NPL: variants seen among roughly 807,000 people sequenced by gnomAD.
The protein encoded by NPL is N-acetylneuraminate lyase.
NPL carries 32 observed loss-of-function variants against 41.1 expected under a neutral mutation model. The observed-to-expected ratio is 0.78, with a 90% CI of 0.59 to 1.05. The LOEUF (loss-of-function observed/expected upper bound fraction) is 1.05, where lower values mean the gene tolerates loss of function less well. NPL is among the 50% of genes least tolerant of loss of function. NPL has a pLI of 0.00. For synonymous variants in NPL, 128 were observed against 134.9 expected, an observed-to-expected ratio of 0.95 and a Z score of 0.35; for missense variants, 321 against 378.4, an observed-to-expected ratio of 0.85 and a Z score of 1.26.
intron 3 of NPL, 58 bp from the exon 4 acceptor site, chr1:182,803,638 ATT>A (rs1666918212): frequency 8.8e-7 from 1 of 1,137,540 alleles, no homozygotes; most frequent in Non-Finnish European, 1.3e-6. Flanking sequence ...ATACCTGAGC[ATT>A]TGTTGAATAA....
In NPL at chr1:182,816,752, G is replaced by T. The variant is rs533783493; in HGVS notation, c.403G>T (p.Ala135Ser). 6.2e-7 allele frequency: 1 copy of T among 1,612,684 alleles called. No individual in the cohort carries two copies. The highest frequency in any genetic ancestry group is 1.1e-5 in the South Asian group (1 of 91,074). Reference protein sequence around the residue: ...INFLKEVAAAAPALPFYYYHI... With the variant: ...INFLKEVAAASPALPFYYYHI... ...TTTCCTAAAGGAAGTGGCTGCTGCC[G>T]CCCCTGCCCTGCCATTTTATTACTA... Residue 135 changes from alanine (A) to serine (S), a missense_variant, in exon 8 of 13, where the codon GCC (alanine) becomes TCC (serine). Physicochemically the swap from Ala to Ser is moderately conservative, Grantham distance 99. Transcript: ENST00000367553.
intron 5 of NPL, 51 bp from the exon 6 acceptor site, chr1:182,812,105 T>C (rs747625392): frequency 2.5e-6 from 4 of 1,590,868 alleles, no homozygotes; most frequent in Non-Finnish European, 3.5e-6. Flanking sequence ...GTGCAGCCCT[T>C]CTGCATGCCT....
rs1301251202 is a variant in NPL at position 182,828,453 on chromosome 1, C to A, written c.779-271C>A. ...ACCTCTTTATTCCTGACACCTTTGG[C>A]TTCTCCTTCTTGGGTTTAAGATTAA... On this transcript the variant is annotated intron_variant, in intron 12 of 12. Coordinates refer to ENST00000367553, the MANE Select transcript of NPL (RefSeq NM_030769.3). This position sits in a 1 kb window ranked among gnomAD's most constrained non-coding sequence, Gnocchi z 4.0. Among the ~76,000 whole-genome samples the A allele has an allele frequency of 2.0e-5, 3 of 152,150 alleles. No individual in the cohort carries two copies. Among genetic ancestry groups the A allele is most frequent in the Non-Finnish European group, 4.4e-5 (3 of 68,028 alleles).
intron 4 of NPL, among the ~76,000 whole-genome samples, chr1:182,804,399 A>T (rs1666944751): frequency 6.6e-6 from 1 of 152,172 alleles, no homozygotes; most frequent in Non-Finnish European, 1.5e-5. Flanking sequence ...AAATTCTGGG[A>T]TTACAGGCGT....
intron 11 of NPL, among the ~76,000 whole-genome samples, chr1:182,824,007 G>A (rs1287928353): frequency 2.0e-5 from 3 of 152,208 alleles, no homozygotes; most frequent in Non-Finnish European, 4.4e-5. Flanking sequence ...TGCTCTTAAA[G>A]AGCTTGTAGT....
rs1216767948 is a variant in NPL at position 182,829,741 on chromosome 1, A to G, written c.*833A>G. ...AATCGAAGGCTGACTTCCTTTCTGC[A>G]GTGAGCCCAGGGGCTAATGTTATTA... On this transcript the variant is annotated 3_prime_UTR_variant, in exon 13 of 13. Transcript: ENST00000367553. 9.8e-7 allele frequency: 1 copy of G among 1,019,664 alleles called. No individual in the cohort carries two copies. Among genetic ancestry groups the G allele is most frequent in the African/African-American group, 1.6e-5 (1 of 62,384 alleles). 63.2% of individuals were successfully genotyped at this position (1,019,664 alleles called of 1,614,324 possible). A position where few individuals can be genotyped will look rare whatever the true frequency, so the allele number is the denominator to read the frequency against.
rs543447643 is a variant in NPL, at chr1:182,796,716, G to C, written c.68+2277G>C. Reference sequence around the variant, plus strand: ...AAGCTTTGCCACTAGTTAGCTCTCCGACCCTGGGGAGATCTTGTCACCTTT... The same window carrying C: ...AAGCTTTGCCACTAGTTAGCTCTCCCACCCTGGGGAGATCTTGTCACCTTT... On this transcript the variant is annotated intron_variant, in intron 3 of 12. Transcript: ENST00000367553. Among the ~76,000 whole-genome samples the C allele has an allele frequency of 7.2e-5, 11 of 152,186 alleles. No homozygotes were observed. In the East Asian group the frequency reaches 2.1e-3, roughly 30 times the overall value.
intron 3 of NPL, among the ~76,000 whole-genome samples, chr1:182,798,991 A>G (rs898133250): frequency 1.3e-5 from 2 of 152,376 alleles, no homozygotes; most frequent in African/African-American, 4.8e-5. Flanking sequence ...TCTGATATGC[A>G]TGCCACATCA....
intron 7 of NPL, among the ~76,000 whole-genome samples, chr1:182,815,878 C>T (rs1399534078): frequency 1.3e-5 from 2 of 152,332 alleles, no homozygotes; most frequent in Non-Finnish European, 2.9e-5. Context: ...ACTGGGATTA[C>T]AGGCATGAGC....
At position 182,828,140 on chromosome 1, in the gene NPL, A is replaced by C. The variant is rs1235262264; in HGVS notation, c.779-584A>C. On this transcript the variant is annotated intron_variant, in intron 12 of 12. Coordinates refer to ENST00000367553, the MANE Select transcript of NPL (RefSeq NM_030769.3). This position sits in a 1 kb window ranked among gnomAD's most constrained non-coding sequence, Gnocchi z 4.0. ...GTTTTTTTCTATTGCTTTTTACAGAAGGCTGACTACCAGTTTTACATAGGT... is the reference window on the plus strand; with the variant it reads ...GTTTTTTTCTATTGCTTTTTACAGACGGCTGACTACCAGTTTTACATAGGT... Among the ~76,000 whole-genome samples, 2 of 152,138 alleles carry C rather than the reference A, an allele frequency of 1.3e-5. No individual in the cohort carries two copies. The highest frequency in any genetic ancestry group is 2.9e-5 in the Non-Finnish European group (2 of 68,034).
chr1:182,818,518 G>C (rs1162211518), intron 8 of NPL, 23 bp from the exon 9 acceptor site: 5 of 1,612,946 alleles, frequency 3.1e-6, no homozygotes, highest in African/African-American at 2.7e-5. Context: ...GCAGATTAAT[G>C]AGGCACTTAT....
At chr1:182,823,688 G>T (rs1027703336) in intron 11 of NPL, among the ~76,000 whole-genome samples, 3 of 152,196 alleles carry the variant, frequency 2.0e-5, no homozygotes, top group African/African-American at 7.2e-5. Flanking sequence ...GTTCTGAGCA[G>T]AACATGGAAA....
chr1:182,799,951 A>G (rs1251788098), intron 3 of NPL, among the ~76,000 whole-genome samples: 1 of 152,198 alleles, frequency 6.6e-6, no homozygotes, highest in South Asian at 2.1e-4. Flanking sequence ...TGTGCAGCCT[A>G]TTCAAGTGAA....
intron 12 of NPL, among the ~76,000 whole-genome samples, chr1:182,827,876 G>T (rs1423151825): frequency 2.0e-5 from 3 of 152,186 alleles, no homozygotes; most frequent in Admixed American, 2.0e-4. Flanking sequence ...ACATTAGGTT[G>T]TAAGGTGCCC....
chr1:182,797,034 C>CAAAAAAAAAAA lies in NPL; in HGVS notation c.68+2602_68+2612dup, dbSNP rs59582125. 2.0e-3 allele frequency among the ~76,000 whole-genome samples: 196 copies of CAAAAAAAAAAA among 95,954 alleles called. 3 individuals carry two copies. The highest frequency in any genetic ancestry group is 5.7e-3 in the African/African-American group (160 of 28,018). The allele number at this position is 95,954 out of a possible 152,430, so 62.9% of individuals were successfully genotyped here. Reference sequence around the variant, plus strand: ...TGGGCAACAGAGTGAGAATATGTCTCAAAAAAAAAAAAAAAAAGCTCTTTC... The same window carrying CAAAAAAAAAAA: ...TGGGCAACAGAGTGAGAATATGTCTCAAAAAAAAAAAAAAAAAAAAAAAAAAAAGCTCTTTC... On this transcript the variant is annotated intron_variant, in intron 3 of 12. Transcript: ENST00000367553.
rs1667708879 is a variant in NPL at position 182,829,310 on chromosome 1, G to A, written c.*402G>A. 14 of 1,194,964 alleles carry A rather than the reference G, an allele frequency of 1.2e-5. No individual in the cohort carries two copies. The South Asian group carries it at 3.3e-4, about 29-fold the overall frequency. 74.0% of individuals were successfully genotyped at this position (1,194,964 alleles called of 1,614,324 possible). ...CTTCATTTTAATAAATATTCATTTG[G>A]AATCTAGGAAAACTCTGAGCTACTG... On this transcript the variant is annotated 3_prime_UTR_variant, in exon 13 of 13. Transcript: ENST00000367553.
chr1:182,793,072 A>G (rs969386295), intron 2 of NPL, among the ~76,000 whole-genome samples: 17 of 152,164 alleles, frequency 1.1e-4, no homozygotes, highest in Admixed American at 2.0e-4. Context: ...TTGCTACAAG[A>G]CCACTATCTT....
chr1:182,802,992 C>T (rs1034539852), intron 3 of NPL, among the ~76,000 whole-genome samples: 10 of 152,210 alleles, frequency 6.6e-5, no homozygotes, highest in African/African-American at 2.4e-4. Flanking sequence ...AAGTTCCCTT[C>T]TAACTGCTAA....
intron 6 of NPL, among the ~76,000 whole-genome samples, chr1:182,812,656 C>T (rs1340883263): frequency 2.0e-5 from 3 of 152,086 alleles, no homozygotes; most frequent in Non-Finnish European, 4.4e-5. Flanking sequence ...GTGCTGAAGA[C>T]CAACTTAAGT....
Sources: allele counts gnomAD v4.1 joint callset (sites outside exome capture counted in the v4.1 genomes callset), GRCh38; gene constraint gnomAD v4.1.1; non-coding constraint Gnocchi (gnomAD v3.1); transcripts MANE v1.5; gene names NCBI Gene and HGNC (gene_info 2026-07-23, HGNC 2026-07-21).